Variants in LRP1B observed in about 807,000 individuals in gnomAD.
The protein encoded by LRP1B is low-density lipoprotein receptor-related protein 1B.
Under a neutral mutation model 556.6 loss-of-function variants are expected in LRP1B, and 217 were observed. That is an observed-to-expected ratio of 0.39 (90% CI 0.35 to 0.44). The LOEUF (loss-of-function observed/expected upper bound fraction) is 0.44, where lower values mean the gene tolerates loss of function less well. LRP1B is among the 20% of genes least tolerant of loss of function. The probability of loss-of-function intolerance (pLI) is 1.00; values close to 1 mark genes in which losing one functional copy is unlikely to be tolerated. For missense variants in LRP1B, 5,053 were observed against 5,620.8 expected (o/e 0.90, Z 3.23); for synonymous variants, 2,047 against 1,865.8 (o/e 1.10, Z -2.50).
At chr2:141,624,032 T>TAAAAAAAAAAAAAAAAAAAAAAAAA (rs761446527) in intron 2 of LRP1B, among the ~76,000 whole-genome samples, 4 of 14,440 alleles carry the variant, frequency 2.8e-4, no homozygotes, top group African/African-American at 3.4e-4. Flanking sequence ...AAAAAAAAAT[T>TAAAAAAAAAAAAAAAAAAAAAAAAA]AAACAAAAAA....
chr2:140,324,355 CCT>C (rs1680335401), intron 80 of LRP1B, among the ~76,000 whole-genome samples: 1 of 152,074 alleles, frequency 6.6e-6, no homozygotes, highest in East Asian at 1.9e-4. Context: ...GCAGACTAAT[CCT>C]CTCTGCTATG....
intron 3 of LRP1B, among the ~76,000 whole-genome samples, chr2:141,268,666 A>G (rs150559270): frequency 6.6e-6 from 1 of 152,268 alleles, no homozygotes; most frequent in Non-Finnish European, 1.5e-5. Context: ...CGGTGGGAAC[A>G]TAAACTGGAG....
intron 23 of LRP1B, among the ~76,000 whole-genome samples, chr2:140,891,301 A>G (rs983529458): frequency 6.6e-6 from 1 of 152,148 alleles, no homozygotes; most frequent in African/African-American, 2.4e-5. Flanking sequence ...AATGATTTTT[A>G]TCAGACAGAC....
chr2:140,702,404 T>C (rs774719965), intron 38 of LRP1B, 23 bp downstream of exon 38: 71 of 1,612,204 alleles, frequency 4.4e-5, no homozygotes, highest in Non-Finnish European at 5.7e-5. Context: ...GCACTTTAAA[T>C]ACTGAAAAGA....
intron 11 of LRP1B, among the ~76,000 whole-genome samples, chr2:141,047,616 C>T (rs1406668461): frequency 6.6e-6 from 1 of 152,122 alleles, no homozygotes; most frequent in African/African-American, 2.4e-5. Flanking sequence ...GACTCAAAAG[C>T]ATTTCTTTTT....
intron 2 of LRP1B, among the ~76,000 whole-genome samples, chr2:141,712,378 T>TA (rs112476346): frequency 0.1 from 15,068 of 150,014 alleles, 1,452 homozygotes; most frequent in African/African-American, 0.25. Context: ...AGACCCTGTC[T>TA]AAAAAAAAAC....
intron 1 of LRP1B, among the ~76,000 whole-genome samples, chr2:141,903,834 G>T (rs75120774): frequency 6.6e-6 from 1 of 152,064 alleles, no homozygotes; most frequent in Non-Finnish European, 1.5e-5. Flanking sequence ...TAATGTGGTA[G>T]TTACGTGGTA....
At chr2:140,505,129 A>G (rs992219751) in intron 53 of LRP1B, among the ~76,000 whole-genome samples, 2 of 152,210 alleles carry the variant, frequency 1.3e-5, no homozygotes, top group Admixed American at 6.5e-5. Flanking sequence ...GTAAACACAT[A>G]TAGAATTTAC....
At position 140,613,351 on chromosome 2, in the gene LRP1B, A is replaced by AT. The variant is rs1279472505; in HGVS notation, c.6800-11713_6800-11712insA. Among the ~76,000 whole-genome samples the AT allele has an allele frequency of 1.6e-4, 14 of 86,886 alleles. 2 individuals carry two copies. The highest frequency in any genetic ancestry group is 3.1e-4 in the Non-Finnish European group (11 of 35,692). 57.0% of individuals were successfully genotyped at this position (86,886 alleles called of 152,430 possible). ...TATATAATTATATACATATAAATAT[A>AT]AATAATTATATAAATATAAATATAT... is the stretch of plus-strand genomic sequence containing the variant. On this transcript the variant is annotated intron_variant, in intron 41 of 90. Transcript: ENST00000389484.
At chr2:140,858,331 G>A (rs1039477429) in intron 27 of LRP1B, among the ~76,000 whole-genome samples, 21 of 151,922 alleles carry the variant, frequency 1.4e-4, no homozygotes, top group East Asian at 1.2e-3. Flanking sequence ...ATCTCATACC[G>A]ATAGTATATA....
At chr2:140,999,141 T>C (rs1349198563) in intron 15 of LRP1B, among the ~76,000 whole-genome samples, 1 of 152,112 alleles carries the variant, frequency 6.6e-6, no homozygotes, top group Non-Finnish European at 1.5e-5. Flanking sequence ...TCTATAAACA[T>C]ACTTTGTGTT....
intron 41 of LRP1B, among the ~76,000 whole-genome samples, chr2:140,675,004 T>C (rs1368990673): frequency 6.6e-6 from 1 of 152,250 alleles, no homozygotes; most frequent in Non-Finnish European, 1.5e-5. Flanking sequence ...GCTGTTTGTA[T>C]CTTACAGCTT....
intron 7 of LRP1B, among the ~76,000 whole-genome samples, chr2:141,093,902 A>C (rs1231727564): frequency 6.6e-6 from 1 of 152,074 alleles, no homozygotes; most frequent in Non-Finnish European, 1.5e-5. Context: ...TTTTTAGTAG[A>C]GACAGCGTTT....
At chr2:141,285,124 G>A (rs1214063154) in intron 3 of LRP1B, among the ~76,000 whole-genome samples, 2 of 145,248 alleles carry the variant, frequency 1.4e-5, no homozygotes, top group Admixed American at 1.4e-4. Context: ...TTGAGACGGA[G>A]TCTTGCACTG....
intron 66 of LRP1B, among the ~76,000 whole-genome samples, chr2:140,413,203 T>C (rs1425365681): frequency 6.6e-6 from 1 of 152,126 alleles, no homozygotes; most frequent in Non-Finnish European, 1.5e-5. Flanking sequence ...TCTATCACAT[T>C]GGACCTAAAA....
intron 6 of LRP1B, among the ~76,000 whole-genome samples, chr2:141,226,504 C>T (rs911738825): frequency 4.6e-5 from 7 of 152,032 alleles, no homozygotes; most frequent in Non-Finnish European, 1.0e-4. Flanking sequence ...CATAGCAATC[C>T]TTTGAAAACT....
rs771661657 is a variant in LRP1B, at chr2:140,525,940, T to C, written c.7930A>G (p.Ile2644Val). ...CACAGTGAGGTAGAATTACATCTTATGAACCCTGTGGTTTTCACTCCAAGC... is the reference window on the plus strand; with the variant it reads ...CACAGTGAGGTAGAATTACATCTTACGAACCCTGTGGTTTTCACTCCAAGC... Reference protein sequence around the residue: ...YKLGVKTTGFIRCNSTSLCVL... With the variant: ...YKLGVKTTGFVRCNSTSLCVL... Residue 2644 changes from isoleucine to valine, a missense_variant, in exon 49 of 91, where the codon ATA becomes GTA. Ile to Val is a conservative substitution (Grantham distance 29). Around this residue, in one of 5 missense-constraint regions of LRP1B, gnomAD observed 3,619 missense variants for 3,931.9 expected, o/e 0.92. Coordinates refer to ENST00000389484, the MANE Select transcript of LRP1B (RefSeq NM_018557.3). 9 of 1,612,332 alleles carry C rather than the reference T, an allele frequency of 5.6e-6. No individual in the cohort carries two copies. The highest frequency in any genetic ancestry group is 1.7e-5 in the Admixed American group (1 of 59,774).
intron 35 of LRP1B, among the ~76,000 whole-genome samples, chr2:140,738,382 C>T (rs1408495043): frequency 6.6e-6 from 1 of 152,092 alleles, no homozygotes; most frequent in Admixed American, 6.6e-5. Flanking sequence ...ATTTCTCAAA[C>T]CTGTGCAGAG....
chr2:142,094,541 T>C (rs556396784), intron 1 of LRP1B, among the ~76,000 whole-genome samples: 10 of 152,098 alleles, frequency 6.6e-5, no homozygotes, highest in Admixed American at 2.0e-4. Context: ...TCTATAAACA[T>C]AGAAAGAAAT....
Sources: gnomAD v4.1 joint callset for allele counts (sites outside exome capture counted in the v4.1 genomes callset) on GRCh38, gnomAD v4.1.1 for gene constraint, gnomAD v4.1.1 regional missense constraint, MANE v1.5 for transcripts, NCBI Gene and HGNC (gene_info 2026-07-23, HGNC 2026-07-21) for gene names.